The following PLEKHG4B variants were observed in gnomAD, a reference collection of about 807,000 sequenced individuals.
PLEKHG4B encodes the protein pleckstrin homology domain-containing family G member 4B.
Under a neutral mutation model 121.3 loss-of-function variants are expected in PLEKHG4B, and 111 were observed. That is an observed-to-expected ratio of 0.92 (90% CI 0.78 to 1.07). The LOEUF is 1.07. Among genes scored for constraint, PLEKHG4B ranks in the 50% least tolerant of loss-of-function variants. PLEKHG4B has a pLI of 0.00. For synonymous variants in PLEKHG4B, 738 were observed against 725.0 expected (o/e 1.02, Z -0.29); for missense variants, 1,831 against 1,757.8 (o/e 1.04, Z -0.74).
At chr5:124,595 G>T (rs1252630743) in intron 2 of PLEKHG4B, among the ~76,000 whole-genome samples, 2 of 152,114 alleles carry the variant, frequency 1.3e-5, no homozygotes, top group East Asian at 3.8e-4. Flanking sequence ...GTCTATAATT[G>T]TTATATCTTC....
intron 13 of PLEKHG4B, among the ~76,000 whole-genome samples, chr5:163,813 CGACCA>C (rs2126440210): frequency 6.6e-6 from 1 of 152,302 alleles, no homozygotes; most frequent in South Asian, 2.1e-4. Context: ...AGTAACTGTG[CGACCA>C]ACTCTAGTTA....
In PLEKHG4B at chr5:173,032, A is replaced by G. The variant is rs1736620442; in HGVS notation, c.4186A>G (p.Ser1396Gly). Residue 1396 changes from serine (S) to glycine (G), a missense_variant, in exon 17 of 20, where the codon AGC becomes GGC. Coordinates refer to ENST00000637938, the MANE Select transcript of PLEKHG4B (RefSeq NM_052909.5). The stretch of plus-strand genomic sequence containing the variant: ...TAGCAAGACCCAGAAGGTGGAGGGC[A>G]GCCACGACGTCTACCTGTACAAGCA... ...LFSKTQKVEGSHDVYLYKQSF... is the reference protein window; with the variant it reads ...LFSKTQKVEGGHDVYLYKQSF... The G allele has an allele frequency of 2.5e-6, 4 of 1,614,096 alleles. No individual in the cohort carries two copies. The highest frequency in any genetic ancestry group is 2.5e-6 in the Non-Finnish European group (3 of 1,180,000).
chr5:143,592 G>T, intron 5 of PLEKHG4B, 89 bp downstream of exon 5: 1 of 1,503,290 alleles, frequency 6.7e-7, no homozygotes. Flanking sequence ...GGAGGTGCCA[G>T]CTTCCATGGC....
chr5:92,660 T>TCGTGAATA (rs1420827274), intron 1 of PLEKHG4B, among the ~76,000 whole-genome samples: 9 of 151,476 alleles, frequency 5.9e-5, no homozygotes, highest in Non-Finnish European at 1.2e-4. Context: ...CCTTGTAACC[T>TCGTGAATA]CGTGAATACT....
chr5:126,685 C>T (rs988902183), intron 2 of PLEKHG4B, among the ~76,000 whole-genome samples: 10 of 152,070 alleles, frequency 6.6e-5, no homozygotes, highest in South Asian at 2.1e-4. Flanking sequence ...GTTGTTGAAG[C>T]GGCACTGTTT....
rs752941359 is a variant in PLEKHG4B, at chr5:156,024, C to T, written c.2209-47C>T. 7.2e-5 allele frequency: 107 copies of T among 1,484,184 alleles called. No homozygotes were observed. Among genetic ancestry groups the T allele is most frequent in the Middle Eastern group, 3.6e-4 (2 of 5,514 alleles). 91.9% of individuals were successfully genotyped at this position (1,484,184 alleles called of 1,614,324 possible). On this transcript the variant is annotated intron_variant, in intron 9 of 19. Coordinates refer to ENST00000637938, the MANE Select transcript of PLEKHG4B (RefSeq NM_052909.5). The surrounding 1 kb of genome is among the most constrained non-coding windows in gnomAD (Gnocchi z 4.4). ...CACTGTCACACTTGGGAGGACCTGC[C>T]CCTTGGAGGAGGGAGTTAAAGGCTT...
intron 18 of PLEKHG4B, 93 bp downstream of exon 18, chr5:174,191 A>G: frequency 1.7e-6 from 1 of 594,538 alleles, no homozygotes. Context: ...CCAGGGGCTG[A>G]GTCCAGGGGC....
chr5:188,821 G>A lies in PLEKHG4B; in HGVS notation c.*6498G>A, dbSNP rs1016556818. On this transcript the variant is annotated 3_prime_UTR_variant, in exon 20 of 20. Transcript: ENST00000637938. ...CTTTGGAACCAGAGGCAGGCTCAGC[G>A]ATGCTCTCCATCCGGCCTGGCCCCA... 2 of 152,284 alleles carry A rather than the reference G, an allele frequency of 1.3e-5. No individual in the cohort carries two copies. Among genetic ancestry groups the A allele is most frequent in the Non-Finnish European group, 2.9e-5 (2 of 68,086 alleles). 9.4% of individuals were successfully genotyped at this position (152,284 alleles called of 1,614,324 possible).
chr5:181,600 G>T lies in PLEKHG4B; in HGVS notation c.4489G>T (p.Ala1497Ser), dbSNP rs1171115392. The T allele has an allele frequency of 1.9e-6, 3 of 1,613,840 alleles. No homozygotes were observed. In the African/African-American group the frequency reaches 4.0e-5, roughly 22 times the overall value. Reference protein sequence around the residue: ...VKPRDRTPDCAVISDRAPKCA... With the variant: ...VKPRDRTPDCSVISDRAPKCA... Reference sequence around the variant, plus strand: ...GCCCAGAGACCGGACCCCTGACTGTGCAGTGATAAGCGACCGGGCTCCCAA... The same window carrying T: ...GCCCAGAGACCGGACCCCTGACTGTTCAGTGATAAGCGACCGGGCTCCCAA... Residue 1497 changes from alanine to serine, a missense_variant, in exon 19 of 20, where the codon GCA becomes TCA. Transcript: ENST00000637938.
intron 2 of PLEKHG4B, among the ~76,000 whole-genome samples, chr5:126,221 C>T (rs1734607201): frequency 6.6e-6 from 1 of 152,190 alleles, no homozygotes; most frequent in Non-Finnish European, 1.5e-5. Context: ...TCCCATTTTA[C>T]ATATGCTGGC....
rs769604175 is a variant in PLEKHG4B, at chr5:143,392, G to T, written c.1700G>T (p.Arg567Leu). 4 of 1,612,630 alleles carry T rather than the reference G, an allele frequency of 2.5e-6. No homozygotes were observed. In the South Asian group the frequency reaches 4.4e-5, roughly 18 times the overall value. ...GVVTLPGTRDRHGRAVVQVRT... is the reference protein window; with the variant it reads ...GVVTLPGTRDLHGRAVVQVRT... Reference sequence around the variant, plus strand: ...TCTGTCTCCGCAGGGACCCGAGACCGTCATGGCAGAGCAGTGGTGCAGGTC... The same window carrying T: ...TCTGTCTCCGCAGGGACCCGAGACCTTCATGGCAGAGCAGTGGTGCAGGTC... The change falls in exon 5 of 20, where the codon CGT becomes CTT. Residue 567 changes from arginine to leucine, a missense_variant. Physicochemically the swap from Arg to Leu is moderately radical, Grantham distance 102. Transcript: ENST00000637938.
In PLEKHG4B at chr5:111,951, G is replaced by GACCC. The variant is rs1435388121; in HGVS notation, c.46-1300_46-1299insACCC. 2.9e-5 allele frequency among the ~76,000 whole-genome samples: 3 copies of GACCC among 102,422 alleles called. 1 individual carries two copies. Among genetic ancestry groups the GACCC allele is most frequent in the South Asian group, 4.6e-4 (2 of 4,370 alleles). 67.2% of individuals were successfully genotyped at this position (102,422 alleles called of 152,430 possible). On this transcript the variant is annotated intron_variant, in intron 1 of 19. Coordinates refer to ENST00000637938, the MANE Select transcript of PLEKHG4B (RefSeq NM_052909.5). ...ACGGGCCCACTCATTCTCATGGACT[G>GACCC]TGTGACCCTGGCCTGAGACGGGCCC...
intron 1 of PLEKHG4B, among the ~76,000 whole-genome samples, chr5:109,419 AAATC>A (rs1380193399): frequency 7.2e-6 from 1 of 139,162 alleles, no homozygotes; most frequent in Admixed American, 7.0e-5. Context: ...AAAAAAAAAA[AAATC>A]CAGCCAGAGG....
Position 182,390 on chromosome 5 carries a change from T to C in PLEKHG4B, c.*67T>C. 3 of 1,474,902 alleles carry C rather than the reference T, an allele frequency of 2.0e-6. No individual in the cohort carries two copies. Among genetic ancestry groups the C allele is most frequent in the Middle Eastern group, 2.2e-4 (1 of 4,494 alleles). 91.4% of individuals were successfully genotyped at this position (1,474,902 alleles called of 1,614,324 possible). A position where few individuals can be genotyped will look rare whatever the true frequency, so the allele number is the denominator to read the frequency against. ...TACAGAGGGAGCAGCACGCCAGGCCTGATGACTCTGGGGGTGGCGGTGCCC... is the reference window on the plus strand; with the variant it reads ...TACAGAGGGAGCAGCACGCCAGGCCCGATGACTCTGGGGGTGGCGGTGCCC... On this transcript the variant is annotated 3_prime_UTR_variant, in exon 20 of 20. Transcript: ENST00000637938.
intron 18 of PLEKHG4B, 115 bp downstream of exon 18, chr5:174,213 G>A (rs979455529): frequency 2.0e-6 from 2 of 989,380 alleles, no homozygotes; most frequent in Non-Finnish European, 1.4e-6. Flanking sequence ...AGGGGGCTGG[G>A]GGCCAGGGCT....
chr5:119,804 G>A (rs894850623), intron 2 of PLEKHG4B, among the ~76,000 whole-genome samples: 3 of 152,192 alleles, frequency 2.0e-5, no homozygotes, highest in Non-Finnish European at 4.4e-5. Context: ...CAAAATTTAG[G>A]AAACCTCTGG....
At position 155,359 on chromosome 5, in the gene PLEKHG4B, C is replaced by T. The variant is rs766811865; in HGVS notation, c.2124C>T (p.Phe708=). ...WICFRQRLEH[F]AANCEEAIIF... ...ACTCACAACAGAGGCTGGAACACTTCGCTGCAAACTGTGAAGAAGCCATCA... is the reference window on the plus strand; with the variant it reads ...ACTCACAACAGAGGCTGGAACACTTTGCTGCAAACTGTGAAGAAGCCATCA... Residue 708 remains phenylalanine, a synonymous_variant, in exon 9 of 20, where the codon TTC becomes TTT. Transcript: ENST00000637938. 20 of 1,614,084 alleles carry T rather than the reference C, an allele frequency of 1.2e-5. No homozygotes were observed. Among genetic ancestry groups the T allele is most frequent in the Middle Eastern group, 3.3e-4 (2 of 6,062 alleles).
intron 2 of PLEKHG4B, among the ~76,000 whole-genome samples, chr5:119,792 A>C (rs1051499165): frequency 6.6e-6 from 1 of 152,236 alleles, no homozygotes; most frequent in African/African-American, 2.4e-5. Flanking sequence ...AGGAGAAATC[A>C]GCAAAATTTA....
chr5:100,181 C>A (rs964502069), intron 1 of PLEKHG4B, among the ~76,000 whole-genome samples: 1 of 152,048 alleles, frequency 6.6e-6, no homozygotes, highest in Admixed American at 6.6e-5. Context: ...AATCTCATTA[C>A]GTTATATGAA....
Sources: allele counts gnomAD v4.1 joint callset (sites outside exome capture counted in the v4.1 genomes callset), GRCh38; gene constraint gnomAD v4.1.1; non-coding constraint Gnocchi (gnomAD v3.1); transcripts MANE v1.5; gene names NCBI Gene and HGNC (gene_info 2026-07-23, HGNC 2026-07-21).